HSD17B2: variants seen among roughly 807,000 people sequenced by gnomAD.
The protein encoded by HSD17B2 is hydroxysteroid 17-beta dehydrogenase 2, also known as 17-beta-hydroxysteroid dehydrogenase type 2.
Under a neutral mutation model 26.9 loss-of-function variants are expected in HSD17B2, and 32 were observed. That is an observed-to-expected ratio of 1.19 (90% CI 0.90 to 1.60). The LOEUF (loss-of-function observed/expected upper bound fraction) is 1.60. Among genes scored for constraint, HSD17B2 ranks in the 40% most tolerant of loss-of-function variants. The pLI is 0.00. For synonymous variants in HSD17B2, 246 were observed against 186.7 expected, an observed-to-expected ratio of 1.32 and a Z score of -2.59; for missense variants, 613 against 468.6, an observed-to-expected ratio of 1.31 and a Z score of -2.85.
chr16:82,092,156 G>C (rs561098566), intron 4 of HSD17B2: 7 of 152,278 alleles, frequency 4.6e-5, no homozygotes, highest in South Asian at 2.1e-4. Context: ...CAGATAGTCA[G>C]AGTAACATTT....
chr16:82,055,618 G>A (rs146162513), intron 1 of HSD17B2, among the ~76,000 whole-genome samples: 53 of 152,284 alleles, frequency 3.5e-4, no homozygotes, highest in African/African-American at 1.3e-3. Context: ...GGGAAATGTA[G>A]AAAACTCCCC....
chr16:82,059,490 C>A (rs1044088174), intron 1 of HSD17B2, among the ~76,000 whole-genome samples: 1 of 152,158 alleles, frequency 6.6e-6, no homozygotes. Flanking sequence ...CCTATCCAGG[C>A]CAATTAAATG....
chr16:82,078,668 C>T (rs1031227650), intron 3 of HSD17B2, among the ~76,000 whole-genome samples: 3 of 152,126 alleles, frequency 2.0e-5, no homozygotes, highest in Non-Finnish European at 4.4e-5. Flanking sequence ...CATATACACA[C>T]AATGGAGTAC....
At chr16:82,096,842 G>A (rs1189674330) in intron 4 of HSD17B2, 1 of 152,040 alleles carries the variant, frequency 6.6e-6, no homozygotes, top group East Asian at 1.9e-4. Context: ...CAAATATACT[G>A]TTGAATAAAG....
intron 1 of HSD17B2, among the ~76,000 whole-genome samples, chr16:82,058,714 G>A (rs576060388): frequency 3.3e-4 from 50 of 152,234 alleles, no homozygotes; most frequent in African/African-American, 1.2e-3. Context: ...ACAGTCATCT[G>A]TACAGTTCAG....
intron 3 of HSD17B2, among the ~76,000 whole-genome samples, chr16:82,080,007 C>A (rs72829176): frequency 1.6e-3 from 240 of 152,270 alleles, no homozygotes; most frequent in African/African-American, 5.6e-3. Flanking sequence ...CCCTGACCCA[C>A]CAGATTGTCT....
chr16:82,084,371 T>A (rs146767754), intron 3 of HSD17B2, among the ~76,000 whole-genome samples: 1 of 152,034 alleles, frequency 6.6e-6, no homozygotes, highest in Admixed American at 6.6e-5. Flanking sequence ...TTTCCCATGA[T>A]CTTTGGGGTG....
chr16:82,072,514 T>C (rs963264232), intron 3 of HSD17B2, among the ~76,000 whole-genome samples: 8 of 152,180 alleles, frequency 5.3e-5, no homozygotes, highest in Admixed American at 4.6e-4. Context: ...AAATATTTAC[T>C]GAAATAACAG....
chr16:82,075,920 A>AG (rs889167465), intron 3 of HSD17B2, among the ~76,000 whole-genome samples: 8 of 151,328 alleles, frequency 5.3e-5, no homozygotes, highest in African/African-American at 7.3e-5. Flanking sequence ...AAAAAAAAAA[A>AG]AAAAGAAAAG....
At chr16:82,060,779 G>C (rs1250866707) in intron 1 of HSD17B2, among the ~76,000 whole-genome samples, 1 of 152,156 alleles carries the variant, frequency 6.6e-6, no homozygotes, top group Non-Finnish European at 1.5e-5. Context: ...CATTGGCAAA[G>C]GGAGCACTCG....
chr16:82,050,313 A>G (rs1276045240), intron 1 of HSD17B2, among the ~76,000 whole-genome samples: 1 of 147,290 alleles, frequency 6.8e-6, no homozygotes, highest in East Asian at 2.0e-4. Flanking sequence ...CTTCATTCTC[A>G]TTTCTCTGCC....
intron 4 of HSD17B2, chr16:82,096,936 T>A (rs1904856174): frequency 6.6e-6 from 1 of 151,894 alleles, no homozygotes; most frequent in Admixed American, 6.6e-5. Context: ...TCTGTCCTAT[T>A]AATCAGGAAA....
intron 1 of HSD17B2, among the ~76,000 whole-genome samples, chr16:82,044,784 G>A (rs1397216176): frequency 6.6e-6 from 1 of 152,150 alleles, no homozygotes; most frequent in Admixed American, 6.5e-5. Flanking sequence ...AGCATAGGAA[G>A]TGGGGAAGAA....
chr16:82,051,163 T>C (rs998649943), intron 1 of HSD17B2, among the ~76,000 whole-genome samples: 2 of 152,248 alleles, frequency 1.3e-5, no homozygotes, highest in Non-Finnish European at 2.9e-5. Context: ...ATCTAGTAAA[T>C]ATCTGTGTCA....
rs543446602 is a variant in HSD17B2, at chr16:82,078,150, C to G, written c.664+7023C>G. Reference sequence around the variant, plus strand: ...TAGCCATTTGACAAAGACTTAATAACCAGAAAATATAAGGAGCTCAAACAA... The same window carrying G: ...TAGCCATTTGACAAAGACTTAATAAGCAGAAAATATAAGGAGCTCAAACAA... On this transcript the variant is annotated intron_variant, in intron 3 of 4. Coordinates refer to ENST00000199936, the MANE Select transcript of HSD17B2 (RefSeq NM_002153.3). Among the ~76,000 whole-genome samples, 10 of 152,200 alleles carry G rather than the reference C, an allele frequency of 6.6e-5. No homozygotes were observed. The South Asian group carries it at 1.0e-3, about 16-fold the overall frequency.
At chr16:82,053,645 TG>T (rs1402015761) in intron 1 of HSD17B2, among the ~76,000 whole-genome samples, 1 of 152,124 alleles carries the variant, frequency 6.6e-6, no homozygotes, top group Non-Finnish European at 1.5e-5. Flanking sequence ...TAGCCCAGCA[TG>T]GGGGAGCAGA....
At chr16:82,068,700 T>A (rs1914630350) in intron 2 of HSD17B2, among the ~76,000 whole-genome samples, 1 of 151,944 alleles carries the variant, frequency 6.6e-6, no homozygotes, top group Non-Finnish European at 1.5e-5. Flanking sequence ...TGCATTAGAG[T>A]CTCCAGCTTC....
chr16:82,058,645 T>G (rs1914346175), intron 1 of HSD17B2, among the ~76,000 whole-genome samples: 1 of 152,180 alleles, frequency 6.6e-6, no homozygotes, highest in South Asian at 2.1e-4. Context: ...TTGGTTCACA[T>G]GTGCCCTAAG....
At chr16:82,090,248 C>A in intron 3 of HSD17B2, 1 of 958,770 alleles carries the variant, frequency 1.0e-6, no homozygotes, top group Non-Finnish European at 1.2e-6. Flanking sequence ...GTTGGTCAGG[C>A]TAGAAGATCA....
Sources: gnomAD v4.1 joint callset for allele counts (sites outside exome capture counted in the v4.1 genomes callset) on GRCh38, gnomAD v4.1.1 for gene constraint, MANE v1.5 for transcripts, NCBI Gene and HGNC (gene_info 2026-07-23, HGNC 2026-07-21) for gene names.